LHX6: variants seen among roughly 807,000 people sequenced by gnomAD.
LHX6 encodes LIM homeobox 6, also known as LIM/homeobox protein Lhx6.
LHX6 carries 15 observed loss-of-function variants against 47.1 expected under a neutral mutation model. The observed-to-expected ratio is 0.32, with a 90% CI of 0.21 to 0.49. The LOEUF is 0.49. Among genes scored for constraint, LHX6 ranks in the 20% least tolerant of loss-of-function variants. The pLI, the probability that LHX6 is intolerant of heterozygous loss-of-function variation, is 0.99. For missense variants in LHX6, 404 were observed against 539.6 expected (o/e 0.75, Z 2.49); for synonymous variants, 242 against 233.5 (o/e 1.04, Z -0.33).
rs1161425086 is a variant in LHX6, at chr9:122,203,243, C to T, written c.*1517G>A. 3 of 152,644 alleles carry T rather than the reference C, an allele frequency of 2.0e-5. No individual in the cohort carries two copies. The highest frequency in any genetic ancestry group is 4.4e-5 in the Non-Finnish European group (3 of 68,042). The allele number at this position is 152,644 out of a possible 1,614,324, so 9.5% of individuals were successfully genotyped here. A position where few individuals can be genotyped will look rare whatever the true frequency, so the allele number is the denominator to read the frequency against. On this transcript the variant is annotated 3_prime_UTR_variant, in exon 10 of 10. Transcript: ENST00000394319. ...TATAGGCTTTCATGTTAAGTGCCAA[C>T]GTCAAGCATTTGAACTCTGAAACCT...
At chr9:122,207,553 G>A (rs1395301867) in intron 9 of LHX6, among the ~76,000 whole-genome samples, 1 of 152,194 alleles carries the variant, frequency 6.6e-6, no homozygotes, top group African/African-American at 2.4e-5. Flanking sequence ...CTCTTCCTAT[G>A]GATGTGACAG....
intron 9 of LHX6, among the ~76,000 whole-genome samples, chr9:122,207,012 C>T (rs573305172): frequency 6.6e-6 from 1 of 152,302 alleles, no homozygotes; most frequent in African/African-American, 2.4e-5. Context: ...CTCCAGCTGC[C>T]CATTCCCCTG....
intron 9 of LHX6, among the ~76,000 whole-genome samples, chr9:122,206,203 G>A (rs10985565): frequency 0.24 from 36,536 of 152,146 alleles, 4,547 homozygotes; most frequent in Admixed American, 0.31. Flanking sequence ...TGACGATGCG[G>A]TGGAGGCAGG....
Position 122,214,938 on chromosome 9 carries a change from A to G in LHX6, c.683-555T>C, listed in dbSNP as rs74526013. ...ACTTTCAGTATTCCTGTAACTTTTG[A>G]GGTATTTAAAAACAATCATATGTTG... On this transcript the variant is annotated intron_variant, in intron 5 of 9. Coordinates refer to ENST00000394319, the MANE Select transcript of LHX6 (RefSeq NM_014368.5). The surrounding 1 kb of genome is among the most constrained non-coding windows in gnomAD (Gnocchi z 4.6). Among the ~76,000 whole-genome samples the G allele has an allele frequency of 8.8e-3, 1,348 of 152,344 alleles. 20 individuals are homozygous for G. The highest frequency in any genetic ancestry group is 0.037 in the Middle Eastern group (11 of 294).
intron 4 of LHX6, among the ~76,000 whole-genome samples, chr9:122,224,646 C>T (rs1277863741): frequency 6.6e-6 from 1 of 152,058 alleles, no homozygotes; most frequent in African/African-American, 2.4e-5. Flanking sequence ...ACCTCACCCT[C>T]TCACCTCCAG....
Position 122,226,597 on chromosome 9 carries a change from C to A in LHX6, c.340-100G>T. The A allele has an allele frequency of 6.7e-7, 1 of 1,503,386 alleles. No homozygotes were observed. Among genetic ancestry groups the A allele is most frequent in the South Asian group, 1.2e-5 (1 of 80,826 alleles). 93.1% of individuals were successfully genotyped at this position (1,503,386 alleles called of 1,614,324 possible). A position where few individuals can be genotyped will look rare whatever the true frequency, so the allele number is the denominator to read the frequency against. Reference sequence around the variant, plus strand: ...ATTTACAGTCAGAGGCGCTGAAGCTCAGAAGGTGCATGCGATTCCCCTATT... The same window carrying A: ...ATTTACAGTCAGAGGCGCTGAAGCTAAGAAGGTGCATGCGATTCCCCTATT... On this transcript the variant is annotated intron_variant, in intron 3 of 9. Transcript: ENST00000394319. This position sits in a 1 kb window ranked among gnomAD's most constrained non-coding sequence, Gnocchi z 6.5.
rs1484657231 is a variant in LHX6 at position 122,228,681 on chromosome 9, G to GGCCGGCA, written c.53_59dup (p.Glu21AlafsTer27). On this transcript the variant is annotated frameshift_variant, in exon 1 of 10. Coordinates refer to ENST00000394319, the MANE Select transcript of LHX6 (RefSeq NM_014368.5). LOFTEE classifies it high-confidence loss of function. ...CCTGGTCGGTGGCGGGGCCGCCCTCGGCCGGCAGCCGGCAGCCCTCGGGCA... is the reference window on the plus strand; with the variant it reads ...CCTGGTCGGTGGCGGGGCCGCCCTCGGCCGGCAGCCGGCAGCCGGCAGCCCTCGGGCA... The GGCCGGCA allele has an allele frequency of 7.8e-7, 1 of 1,289,740 alleles. No individual in the cohort carries two copies. The highest frequency in any genetic ancestry group is 9.8e-7 in the Non-Finnish European group (1 of 1,019,382). 79.9% of individuals were successfully genotyped at this position (1,289,740 alleles called of 1,614,324 possible). A position where few individuals can be genotyped will look rare whatever the true frequency, so the allele number is the denominator to read the frequency against.
chr9:122,208,069 C>T (rs1830252009), intron 9 of LHX6, among the ~76,000 whole-genome samples: 1 of 152,142 alleles, frequency 6.6e-6, no homozygotes, highest in African/African-American at 2.4e-5. Context: ...CCAGCAGTCT[C>T]TGAAGACTGC....
rs772203553 is a variant in LHX6, at chr9:122,214,079, G to C, written c.784-10C>G. ...ACTGCGCCTGCATAACCTGCGGGGC[G>C]GGGAGGGCGGTGAGGCGCTCGCACG... On this transcript the variant is annotated splice_polypyrimidine_tract_variant and intron_variant, in intron 6 of 9. Transcript: ENST00000394319. The surrounding 1 kb of genome is among the most constrained non-coding windows in gnomAD (Gnocchi z 4.6). 14 of 1,597,334 alleles carry C rather than the reference G, an allele frequency of 8.8e-6. No homozygotes were observed. Among genetic ancestry groups the C allele is most frequent in the Admixed American group, 3.3e-5 (2 of 59,800 alleles).
intron 4 of LHX6, among the ~76,000 whole-genome samples, chr9:122,223,331 A>G (rs1484813284): frequency 6.6e-6 from 1 of 152,180 alleles, no homozygotes; most frequent in Non-Finnish European, 1.5e-5. Flanking sequence ...TTGTCATTGG[A>G]AAAAGATTAG....
chr9:122,220,379 T>C (rs1830795036), intron 4 of LHX6, among the ~76,000 whole-genome samples: 2 of 152,150 alleles, frequency 1.3e-5, no homozygotes, highest in South Asian at 2.1e-4. Context: ...GTAGGTTTGG[T>C]TGCATTGCAG....
At chr9:122,228,045 AAG>A (rs1831184687) in intron 1 of LHX6, 1 of 521,744 alleles carries the variant, frequency 1.9e-6, no homozygotes, top group African/African-American at 2.0e-5. Context: ...GAAAATAAAA[AAG>A]AGATGGGTGA....
rs1244903269 is a variant in LHX6 at position 122,226,221 on chromosome 9, C to T, written c.461+155G>A. On this transcript the variant is annotated intron_variant, in intron 4 of 9. Transcript: ENST00000394319. The surrounding 1 kb of genome is among the most constrained non-coding windows in gnomAD (Gnocchi z 6.5). ...GCTGCCTGGAGCTCTGGGTTCGCGC[C>T]GCTGAGCGCCGGCAGGTTGGACCAG... is the stretch of plus-strand genomic sequence containing the variant. Among the ~76,000 whole-genome samples the T allele has an allele frequency of 6.6e-6, 1 of 152,184 alleles. No homozygotes were observed. Among genetic ancestry groups the T allele is most frequent in the African/African-American group, 2.4e-5 (1 of 41,444 alleles).
At chr9:122,227,160 T>C in intron 2 of LHX6, 130 bp from the exon 3 acceptor site, 1 of 924,452 alleles carries the variant, frequency 1.1e-6, no homozygotes, top group Non-Finnish European at 1.6e-6. Flanking sequence ...CGCCGTAGAC[T>C]GAAGGACAGG....
At chr9:122,208,337 C>T (rs569333445) in intron 9 of LHX6, among the ~76,000 whole-genome samples, 3 of 152,236 alleles carry the variant, frequency 2.0e-5, no homozygotes, top group African/African-American at 7.2e-5. Context: ...CCTTTGCCCC[C>T]TTCCCCCTCC....
rs777365493 is a variant in LHX6 at position 122,209,665 on chromosome 9, G to C, written c.1107C>G (p.Pro369=). 4 of 1,341,680 alleles carry C rather than the reference G, an allele frequency of 3.0e-6. No homozygotes were observed. Among genetic ancestry groups the C allele is most frequent in the Non-Finnish European group, 4.3e-6 (4 of 931,106 alleles). 83.1% of individuals were successfully genotyped at this position (1,341,680 alleles called of 1,614,324 possible). A position where few individuals can be genotyped will look rare whatever the true frequency, so the allele number is the denominator to read the frequency against. The change falls in exon 9 of 10, where the codon CCC becomes CCG. Residue 369 remains proline (P), a synonymous_variant. Coordinates refer to ENST00000394319, the MANE Select transcript of LHX6 (RefSeq NM_014368.5). ...CATCCATATCGGCTTTGAGGTGGACGGGGGGTGCGGTGTAAGGCAGCCGGC... is the reference window on the plus strand; with the variant it reads ...CATCCATATCGGCTTTGAGGTGGACCGGGGGTGCGGTGTAAGGCAGCCGGC... The part of the protein sequence containing the change: ...VHCRLPYTAP[P]VHLKADMDGP...
chr9:122,227,934 C>G (rs993344042), intron 1 of LHX6: 2 of 344,320 alleles, frequency 5.8e-6, no homozygotes, highest in African/African-American at 4.3e-5. Context: ...AATTAAAAAT[C>G]GAATTTTTTC....
intron 2 of LHX6, 50 bp downstream of exon 2, chr9:122,227,359 G>A (rs1176345805): frequency 3.8e-5 from 55 of 1,457,434 alleles, no homozygotes; most frequent in Non-Finnish European, 4.9e-5. Flanking sequence ...GGTCCCCAGG[G>A]CCGGGCCGCT....
rs1293386064 is a variant in LHX6, at chr9:122,226,699, G to A, written c.339+149C>T. 2 of 1,213,002 alleles carry A rather than the reference G, an allele frequency of 1.6e-6. No homozygotes were observed. Among genetic ancestry groups the A allele is most frequent in the East Asian group, 2.6e-5 (1 of 38,768 alleles). 75.1% of individuals were successfully genotyped at this position (1,213,002 alleles called of 1,614,324 possible). The stretch of plus-strand genomic sequence containing the variant: ...TTTCAGACGGAACCCGGGGGCTCAG[G>A]CAGACCCTAAGTCTTGCCCAAAGCT... On this transcript the variant is annotated intron_variant, in intron 3 of 9. Transcript: ENST00000394319. The surrounding 1 kb of genome is among the most constrained non-coding windows in gnomAD (Gnocchi z 6.5).
Sources: gnomAD v4.1 joint callset for allele counts (sites outside exome capture counted in the v4.1 genomes callset) on GRCh38, gnomAD v4.1.1 for gene constraint, Gnocchi (gnomAD v3.1) non-coding constraint, MANE v1.5 for transcripts, NCBI Gene and HGNC (gene_info 2026-07-23, HGNC 2026-07-21) for gene names.